SPIDR: variants seen among roughly 807,000 people sequenced by gnomAD.
SPIDR encodes scaffold protein involved in DNA repair.
A neutral mutation model predicts 104.6 loss-of-function variants in SPIDR; 93 were observed. That is an observed-to-expected ratio of 0.89 (90% CI 0.75 to 1.06). SPIDR has a LOEUF of 1.06. Among genes scored for constraint, SPIDR ranks in the 50% least tolerant of loss-of-function variants. The pLI is 0.00. For synonymous variants in SPIDR, 431 were observed against 416.9 expected (o/e 1.03, Z -0.41); for missense variants, 1,154 against 1,111.2 (o/e 1.04, Z -0.55).
At chr8:47,269,208 A>G (rs1425359619) in intron 1 of SPIDR, among the ~76,000 whole-genome samples, 1 of 137,656 alleles carries the variant, frequency 7.3e-6, no homozygotes, top group Non-Finnish European at 1.5e-5. Context: ...TAGAAGCTTC[A>G]GTGATCCATG....
At chr8:47,349,816 A>G (rs2053070866) in intron 5 of SPIDR, among the ~76,000 whole-genome samples, 1 of 152,120 alleles carries the variant, frequency 6.6e-6, no homozygotes, top group South Asian at 2.1e-4. Flanking sequence ...GTTTGCTAAG[A>G]CCATTGGAAA....
intron 8 of SPIDR, among the ~76,000 whole-genome samples, chr8:47,462,333 G>T (rs1228786695): frequency 6.6e-6 from 1 of 152,114 alleles, no homozygotes; most frequent in Non-Finnish European, 1.5e-5. Flanking sequence ...TCCTGAAGGA[G>T]CAATCTGCTT....
At chr8:47,486,440 C>G (rs1257446083) in intron 8 of SPIDR, among the ~76,000 whole-genome samples, 1 of 152,156 alleles carries the variant, frequency 6.6e-6, no homozygotes, top group Non-Finnish European at 1.5e-5. Context: ...CGGATATTAT[C>G]CAGGAGAACT....
chr8:47,342,961 T>A (rs2051078903), intron 5 of SPIDR, among the ~76,000 whole-genome samples: 2 of 152,302 alleles, frequency 1.3e-5, no homozygotes, highest in Admixed American at 1.3e-4. Flanking sequence ...AGACACACAC[T>A]CTCCAAGCTC....
At position 47,283,396 on chromosome 8, in the gene SPIDR, T is replaced by G. The variant is rs931131340; in HGVS notation, c.190-632T>G. ...TTTTGACTGTGGCACCCCAAATCAG[T>G]TACAGTAGTAATACCAGAGATCACT... On this transcript the variant is annotated intron_variant, in intron 2 of 19. Transcript: ENST00000297423. Among the ~76,000 whole-genome samples, 64 of 152,170 alleles carry G rather than the reference T, an allele frequency of 4.2e-4. 1 individual carries two copies. Among genetic ancestry groups the G allele is most frequent in the Admixed American group, 1.0e-3 (16 of 15,278 alleles).
At position 47,735,741 on chromosome 8, in the gene SPIDR, G is replaced by C. The variant is rs2086183934; in HGVS notation, c.*291G>C. On this transcript the variant is annotated 3_prime_UTR_variant, in exon 20 of 20. Transcript: ENST00000297423. ...TTCATTTGGTATTTAGGCAATATAT[G>C]AGAAAAAAATTTTTTTTGTTCATTT... 3.2e-6 allele frequency: 2 copies of C among 633,474 alleles called. No homozygotes were observed. The highest frequency in any genetic ancestry group is 2.6e-6 in the Non-Finnish European group (1 of 391,206). 39.2% of individuals were successfully genotyped at this position (633,474 alleles called of 1,614,324 possible). A position where few individuals can be genotyped will look rare whatever the true frequency, so the allele number is the denominator to read the frequency against.
chr8:47,324,651 A>G (rs1331678139), intron 5 of SPIDR, among the ~76,000 whole-genome samples: 1 of 152,194 alleles, frequency 6.6e-6, no homozygotes, highest in African/African-American at 2.4e-5. Flanking sequence ...TGGTTCTGAA[A>G]TCTACACCTG....
At chr8:47,608,941 A>T (rs2063303713) in intron 10 of SPIDR, among the ~76,000 whole-genome samples, 1 of 152,042 alleles carries the variant, frequency 6.6e-6, no homozygotes, top group Non-Finnish European at 1.5e-5. Flanking sequence ...GTTGGCCTGG[A>T]TGGTCTCTAT....
chr8:47,594,063 T>G (rs1030143170), intron 8 of SPIDR, among the ~76,000 whole-genome samples: 5 of 151,768 alleles, frequency 3.3e-5, no homozygotes, highest in African/African-American at 7.3e-5. Context: ...TGCAGGCCTG[T>G]GGGAGATCAA....
intron 5 of SPIDR, among the ~76,000 whole-genome samples, chr8:47,347,751 C>T (rs544977227): frequency 5.3e-5 from 8 of 152,206 alleles, no homozygotes; most frequent in Admixed American, 2.6e-4. Context: ...TCTGTTTTAT[C>T]AGACTAGGAT....
At position 47,396,452 on chromosome 8, in the gene SPIDR, A is replaced by G. The variant is rs1447199120; in HGVS notation, c.602A>G (p.Asp201Gly). The change falls in exon 6 of 20, where the codon GAT becomes GGT. Residue 201 changes from aspartate to glycine, a missense_variant. Asp to Gly is a moderately conservative substitution (Grantham distance 94). Coordinates refer to ENST00000297423, the MANE Select transcript of SPIDR (RefSeq NM_001080394.4). ...GATTTGGAAAATGTCCTACTCATTG[A>G]TTCAGAATCCCCTCACAAATACCAC... ...EDDLENVLLI[D>G]SESPHKYHVQ... is the part of the protein sequence containing the mutation. 5.6e-6 allele frequency: 9 copies of G among 1,613,978 alleles called. No individual in the cohort carries two copies. In the African/African-American group the frequency reaches 6.7e-5, roughly 12 times the overall value.
At chr8:47,615,355 T>TA (rs1252599956) in intron 10 of SPIDR, among the ~76,000 whole-genome samples, 1 of 152,208 alleles carries the variant, frequency 6.6e-6, no homozygotes, top group African/African-American at 2.4e-5. Context: ...TCAAGAATGT[T>TA]ACAGTTTTAG....
intron 11 of SPIDR, among the ~76,000 whole-genome samples, chr8:47,691,290 C>CAAAA (rs60147394): frequency 3.5e-5 from 3 of 86,662 alleles, no homozygotes; most frequent in Non-Finnish European, 4.5e-5. Flanking sequence ...GACTCCGTCT[C>CAAAA]AAAAAAAAAA....
At chr8:47,369,216 A>G (rs1220832823) in intron 5 of SPIDR, among the ~76,000 whole-genome samples, 1 of 152,184 alleles carries the variant, frequency 6.6e-6, no homozygotes, top group African/African-American at 2.4e-5. Flanking sequence ...TATCATTATC[A>G]GGTATTTTTT....
chr8:47,658,208 C>T (rs972119761), intron 10 of SPIDR, among the ~76,000 whole-genome samples: 2 of 151,842 alleles, frequency 1.3e-5, no homozygotes, highest in Non-Finnish European at 2.9e-5. Flanking sequence ...CACCTGAGGT[C>T]GGAAGTTTGA....
At chr8:47,584,454 A>C (rs1342364655) in intron 8 of SPIDR, among the ~76,000 whole-genome samples, 1 of 152,234 alleles carries the variant, frequency 6.6e-6, no homozygotes, top group Non-Finnish European at 1.5e-5. Context: ...TATTTTCTGT[A>C]TCCTAAGGAC....
At chr8:47,531,190 C>G (rs148614865) in intron 8 of SPIDR, among the ~76,000 whole-genome samples, 145 of 152,284 alleles carry the variant, frequency 9.5e-4, no homozygotes, top group African/African-American at 3.1e-3. Context: ...CTGTACCCAA[C>G]CTTTTTTAAA....
intron 5 of SPIDR, among the ~76,000 whole-genome samples, chr8:47,390,096 A>T (rs1245832314): frequency 6.6e-6 from 1 of 152,120 alleles, no homozygotes; most frequent in South Asian, 2.1e-4. Context: ...CACCCATCAG[A>T]TATGTATACA....
At chr8:47,553,870 C>G (rs2090943660) in intron 8 of SPIDR, among the ~76,000 whole-genome samples, 1 of 152,308 alleles carries the variant, frequency 6.6e-6, no homozygotes, top group East Asian at 1.9e-4. Flanking sequence ...GGTTTCTCCC[C>G]ATCTTTGTGG....
Sources: gnomAD v4.1 joint callset for allele counts (sites outside exome capture counted in the v4.1 genomes callset) on GRCh38, gnomAD v4.1.1 for gene constraint, MANE v1.5 for transcripts, NCBI Gene and HGNC (gene_info 2026-07-23, HGNC 2026-07-21) for gene names.